DOCK9: variants seen among roughly 807,000 people sequenced by gnomAD.
DOCK9 encodes the protein dedicator of cytokinesis protein 9.
In DOCK9, 89 loss-of-function variants were observed where a neutral mutation model predicts 263.3. The observed-to-expected ratio is 0.34, with a 90% CI of 0.28 to 0.40. The LOEUF (loss-of-function observed/expected upper bound fraction) is 0.40, where lower values mean the gene tolerates loss of function less well. Among genes scored for constraint, DOCK9 ranks in the 10% least tolerant of loss-of-function variants. The pLI, the probability that DOCK9 is intolerant of heterozygous loss-of-function variation, is 1.00. For synonymous variants in DOCK9, 976 were observed against 973.1 expected (o/e 1.00, Z -0.06); for missense variants, 2,140 against 2,603.4 (o/e 0.82, Z 3.87).
At chr13:99,015,535 C>T (rs751425774) in intron 1 of DOCK9, 2 of 1,598,236 alleles carry the variant, frequency 1.3e-6, no homozygotes, top group South Asian at 1.1e-5. Context: ...TTGCTGTTTG[C>T]ACATATAAGC....
intron 9 of DOCK9, among the ~76,000 whole-genome samples, chr13:98,907,448 G>A (rs1185334553): frequency 6.6e-6 from 1 of 152,154 alleles, no homozygotes; most frequent in African/African-American, 2.4e-5. Flanking sequence ...AACTGCTAAT[G>A]AGCTCGGTAT....
chr13:98,824,313 G>A (rs763303946), intron 45 of DOCK9, 85 bp downstream of exon 45: 29 of 1,191,208 alleles, frequency 2.4e-5, no homozygotes, highest in Non-Finnish European at 3.4e-5. Context: ...GGAGGAAAAA[G>A]CCCTGGTCTG....
At chr13:98,820,584 C>A in intron 45 of DOCK9, 1 of 291,388 alleles carries the variant, frequency 3.4e-6, no homozygotes, top group Non-Finnish European at 6.7e-6. Flanking sequence ...AGAGGAGGAA[C>A]ACATCCATCC....
intron 39 of DOCK9, among the ~76,000 whole-genome samples, chr13:98,832,784 G>A (rs1215898717): frequency 1.3e-5 from 2 of 152,220 alleles, no homozygotes; most frequent in Non-Finnish European, 2.9e-5. Flanking sequence ...TTCTGCACAA[G>A]TAGGCAGATT....
At chr13:98,935,743 G>A (rs2054708553) in intron 2 of DOCK9, among the ~76,000 whole-genome samples, 1 of 152,140 alleles carries the variant, frequency 6.6e-6, no homozygotes, top group African/African-American at 2.4e-5. Flanking sequence ...ACTCCAGACT[G>A]GGTGACAGAA....
chr13:98,991,531 T>A (rs1243801178), intron 1 of DOCK9, among the ~76,000 whole-genome samples: 1 of 152,150 alleles, frequency 6.6e-6, no homozygotes, highest in African/African-American at 2.4e-5. Context: ...AAAAAGAATG[T>A]AAAATATCTT....
chr13:98,846,803 A>G (rs1369617414), intron 37 of DOCK9: 1 of 354,798 alleles, frequency 2.8e-6, no homozygotes, highest in Non-Finnish European at 5.5e-6. Flanking sequence ...AAGAAGGCAC[A>G]GTGTTCATCA....
At chr13:98,799,224 C>G (rs1373001378) in intron 50 of DOCK9, among the ~76,000 whole-genome samples, 1 of 152,076 alleles carries the variant, frequency 6.6e-6, no homozygotes, top group Non-Finnish European at 1.5e-5. Context: ...GGGAAGTTGA[C>G]AAAATATAAT....
chr13:98,856,108 A>ACTTT, intron 33 of DOCK9, 77 bp from the exon 34 acceptor site: 1 of 1,488,986 alleles, frequency 6.7e-7, no homozygotes, highest in Non-Finnish European at 9.1e-7. Flanking sequence ...CTTTAAGGGA[A>ACTTT]ATTGCTTTTA....
At chr13:98,845,349 A>G in intron 38 of DOCK9, 4 of 1,360,372 alleles carry the variant, frequency 2.9e-6, no homozygotes, top group Non-Finnish European at 3.9e-6. Context: ...AGAAATTCCA[A>G]GCACACTTGA....
At chr13:99,087,873 GAAAACCC>G (rs2042385010), upstream of DOCK9, 1 of 152,284 alleles carries the variant, frequency 6.6e-6, no homozygotes, top group Non-Finnish European at 1.5e-5. Flanking sequence ...TGGTGGTCTT[GAAAACCC>G]AGTTTTGGGA....
chr13:98,978,426 G>A (rs1158186838), upstream of DOCK9, among the ~76,000 whole-genome samples: 1 of 152,176 alleles, frequency 6.6e-6, no homozygotes, highest in Non-Finnish European at 1.5e-5. Flanking sequence ...CCAAATGCCT[G>A]GCTGATGATT....
chr13:98,932,126 C>G (rs1358689193), intron 2 of DOCK9, among the ~76,000 whole-genome samples: 2 of 152,098 alleles, frequency 1.3e-5, no homozygotes, highest in Non-Finnish European at 2.9e-5. Flanking sequence ...GGCGCGGTGA[C>G]TGACGCCTGT....
At chr13:99,015,146 A>T (rs1885191490) in intron 1 of DOCK9, among the ~76,000 whole-genome samples, 1 of 152,222 alleles carries the variant, frequency 6.6e-6, no homozygotes, top group Non-Finnish European at 1.5e-5. Flanking sequence ...ACACTTTACC[A>T]CATATTATTT....
chr13:98,891,204 T>G (rs2046568117), intron 15 of DOCK9, among the ~76,000 whole-genome samples: 1 of 152,162 alleles, frequency 6.6e-6, no homozygotes, highest in South Asian at 2.1e-4. Flanking sequence ...GATGATAGCT[T>G]GTGGAGCCTC....
chr13:98,930,769 C>T (rs1436697829), intron 2 of DOCK9, among the ~76,000 whole-genome samples: 3 of 152,070 alleles, frequency 2.0e-5, no homozygotes, highest in Non-Finnish European at 4.4e-5. Context: ...CTCAGCCTCC[C>T]GAGTAGCTGG....
chr13:98,847,149 T>G (rs1483400011), intron 37 of DOCK9: 1 of 158,040 alleles, frequency 6.3e-6, no homozygotes, highest in African/African-American at 2.4e-5. Context: ...ATCTTCAGCT[T>G]CTCACATTCA....
intron 47 of DOCK9, among the ~76,000 whole-genome samples, chr13:98,808,064 A>C (rs1325654507): frequency 1.3e-5 from 2 of 152,202 alleles, no homozygotes; most frequent in Non-Finnish European, 2.9e-5. Flanking sequence ...TGGATACAAG[A>C]CTAAGCTGTC....
chr13:98,925,548 T>C (rs1222337367), intron 4 of DOCK9, among the ~76,000 whole-genome samples: 3 of 152,234 alleles, frequency 2.0e-5, no homozygotes, highest in Non-Finnish European at 4.4e-5. Flanking sequence ...TTGTTTGTTT[T>C]ATATTTTGTA....
Sources: allele counts gnomAD v4.1 joint callset (sites outside exome capture counted in the v4.1 genomes callset), GRCh38; gene constraint gnomAD v4.1.1; transcripts MANE v1.5; gene names NCBI Gene and HGNC (gene_info 2026-07-23, HGNC 2026-07-21).